Variants in CTNNA2 observed in about 807,000 individuals in gnomAD.
The protein encoded by CTNNA2 is catenin alpha 2, also known as catenin alpha-2.
CTNNA2 carries 42 observed loss-of-function variants against 101.0 expected under a neutral mutation model. The observed-to-expected ratio is 0.42, with a 90% CI of 0.32 to 0.54. The LOEUF (loss-of-function observed/expected upper bound fraction) is 0.54, where lower values mean the gene tolerates loss of function less well. Ranked by LOEUF, CTNNA2 falls within the 20% of genes least tolerant of loss-of-function variation. The pLI is 0.14. For missense variants in CTNNA2, 871 were observed against 1,223.1 expected (o/e 0.71, Z 4.29); for synonymous variants, 450 against 456.4 (o/e 0.99, Z 0.18).
At chr2:79,240,166 C>T (rs2104253319) in intron 2 of CTNNA2, among the ~76,000 whole-genome samples, 1 of 151,934 alleles carries the variant, frequency 6.6e-6, no homozygotes, top group Non-Finnish European at 1.5e-5. Flanking sequence ...CCTCAGCCTC[C>T]TAAAGTGCTG....
intron 3 of CTNNA2, among the ~76,000 whole-genome samples, chr2:79,840,367 G>A (rs999186211): frequency 1.3e-5 from 2 of 152,272 alleles, no homozygotes; most frequent in Middle Eastern, 3.4e-3. Context: ...TAGCTTATAA[G>A]TTATTAACTC....
At chr2:80,097,438 A>AT in intron 7 of CTNNA2, among the ~76,000 whole-genome samples, 1 of 151,630 alleles carries the variant, frequency 6.6e-6, no homozygotes, top group East Asian at 1.9e-4. Flanking sequence ...TGCCCTTAAT[A>AT]TTTTTTCCTT....
Position 79,382,758 on chromosome 2 carries a change from T to C in CTNNA2, c.-135+8745T>C, listed in dbSNP as rs559189976. 8.5e-5 allele frequency among the ~76,000 whole-genome samples: 13 copies of C among 152,216 alleles called. No individual in the cohort carries two copies. The East Asian group carries it at 2.3e-3, about 27-fold the overall frequency. On this transcript the variant is annotated intron_variant, in intron 4 of 21. Coordinates refer to the CTNNA2 transcript ENST00000466387. ...CCTCCCGAGTAGCTGGGACTACACGTGCCCAACACCACGCCCGGCTAATTT... is the reference window on the plus strand; with the variant it reads ...CCTCCCGAGTAGCTGGGACTACACGCGCCCAACACCACGCCCGGCTAATTT...
chr2:79,753,800 C>T (rs1672204457), intron 3 of CTNNA2, among the ~76,000 whole-genome samples: 2 of 151,782 alleles, frequency 1.3e-5, no homozygotes, highest in South Asian at 4.2e-4. Context: ...TTTGTTATGA[C>T]ATAACCTCAA....
intron 3 of CTNNA2, among the ~76,000 whole-genome samples, chr2:79,784,569 T>C (rs1225606352): frequency 6.6e-6 from 1 of 151,472 alleles, no homozygotes; most frequent in African/African-American, 2.4e-5. Context: ...CCAAACCTGC[T>C]CTTGCCCCAG....
intron 7 of CTNNA2, chr2:80,304,101 G>T (rs1156902846): frequency 2.8e-6 from 1 of 352,650 alleles, no homozygotes; most frequent in Middle Eastern, 7.3e-4. Context: ...AGAAAAGGGA[G>T]GAAAAAAAAA....
At chr2:80,431,748 T>C (rs1247528357) in intron 9 of CTNNA2, among the ~76,000 whole-genome samples, 1 of 152,192 alleles carries the variant, frequency 6.6e-6, no homozygotes, top group African/African-American at 2.4e-5. Context: ...TTTGAATAAC[T>C]CTTAATCAGC....
intron 7 of CTNNA2, among the ~76,000 whole-genome samples, chr2:80,097,344 T>C (rs1381275890): frequency 6.6e-6 from 1 of 152,224 alleles, no homozygotes; most frequent in Non-Finnish European, 1.5e-5. Flanking sequence ...CCCATTCTTT[T>C]CTCGCTTGTA....
chr2:79,776,916 A>G (rs1395461298), intron 3 of CTNNA2: 1 of 152,196 alleles, frequency 6.6e-6, no homozygotes, highest in Admixed American at 6.5e-5. Context: ...TTCTGTGAGT[A>G]ACCTAGAGCA....
intron 8 of CTNNA2, among the ~76,000 whole-genome samples, chr2:80,412,462 T>A (rs1200001694): frequency 6.6e-6 from 1 of 152,224 alleles, no homozygotes; most frequent in Non-Finnish European, 1.5e-5. Flanking sequence ...TAGACTACTG[T>A]TATTTCAGTG....
At position 79,614,124 on chromosome 2, in the gene CTNNA2, A is replaced by G. The variant is rs186174903; in HGVS notation, c.-5-37428A>G. ...TATTCTTTTTTAAATATACTGAGCAATATTTAAATATAAATATGGTGGATA... is the reference window on the plus strand; with the variant it reads ...TATTCTTTTTTAAATATACTGAGCAGTATTTAAATATAAATATGGTGGATA... On this transcript the variant is annotated intron_variant, in intron 1 of 18. Transcript: ENST00000402739. 7.9e-5 allele frequency among the ~76,000 whole-genome samples: 12 copies of G among 152,330 alleles called. No homozygotes were observed. The East Asian group carries it at 1.5e-3, about 20-fold the overall frequency.
At chr2:79,780,273 G>A (rs1158804659) in intron 3 of CTNNA2, among the ~76,000 whole-genome samples, 2 of 152,190 alleles carry the variant, frequency 1.3e-5, no homozygotes, top group Non-Finnish European at 2.9e-5. Context: ...ATGGCCACAT[G>A]TTCTCAGCAT....
intron 7 of CTNNA2, among the ~76,000 whole-genome samples, chr2:80,092,482 T>C (rs1403168695): frequency 6.6e-6 from 1 of 152,086 alleles, no homozygotes; most frequent in Non-Finnish European, 1.5e-5. Flanking sequence ...TCTGGGTGGA[T>C]TTTCTTTAGA....
intron 3 of CTNNA2, among the ~76,000 whole-genome samples, chr2:79,843,860 A>C (rs925971833): frequency 1.3e-5 from 2 of 152,172 alleles, no homozygotes; most frequent in African/African-American, 4.8e-5. Context: ...ATGACAAAGA[A>C]TTAAACAACC....
intron 7 of CTNNA2, among the ~76,000 whole-genome samples, chr2:80,048,239 A>G (rs1445077363): frequency 1.3e-5 from 2 of 152,226 alleles, no homozygotes; most frequent in Non-Finnish European, 2.9e-5. Context: ...TACTTATACT[A>G]AAATATTTGC....
At chr2:80,418,334 A>T (rs1202086368) in intron 8 of CTNNA2, among the ~76,000 whole-genome samples, 1 of 152,238 alleles carries the variant, frequency 6.6e-6, no homozygotes, top group Non-Finnish European at 1.5e-5. Context: ...ATTTTAGCTC[A>T]GTAAATGACA....
chr2:79,440,251 TTGAAA>T (rs970342156), intron 4 of CTNNA2, among the ~76,000 whole-genome samples: 17 of 152,158 alleles, frequency 1.1e-4, no homozygotes, highest in African/African-American at 3.6e-4. Flanking sequence ...GATTTGCTAG[TTGAAA>T]TGAAGAAGGA....
At chr2:80,007,378 C>T (rs1693448238) in intron 7 of CTNNA2, among the ~76,000 whole-genome samples, 1 of 152,094 alleles carries the variant, frequency 6.6e-6, no homozygotes, top group Non-Finnish European at 1.5e-5. Context: ...TAAATATCTA[C>T]ATATTTATCC....
rs79980546 is a variant in CTNNA2, at chr2:80,409,087, A to T, written c.1138-10362A>T. Among the ~76,000 whole-genome samples, 528 of 152,292 alleles carry T rather than the reference A, an allele frequency of 3.5e-3. 4 individuals are homozygous for T. Among genetic ancestry groups the T allele is most frequent in the African/African-American group, 0.012 (502 of 41,566 alleles). ...AGAAACTGAGTAGACCCTTCCAAAT[A>T]CGCAGAAAAGTTGACCTGCTTTTTG... On this transcript the variant is annotated intron_variant, in intron 8 of 18. Coordinates refer to ENST00000402739, the MANE Select transcript of CTNNA2 (RefSeq NM_001282597.3).
Sources: gnomAD v4.1 joint callset for allele counts (sites outside exome capture counted in the v4.1 genomes callset) on GRCh38, gnomAD v4.1.1 for gene constraint, MANE v1.5 for transcripts, NCBI Gene and HGNC (gene_info 2026-07-23, HGNC 2026-07-21) for gene names.